MRC2: variants seen among roughly 807,000 people sequenced by gnomAD.
MRC2 encodes the protein C-type mannose receptor 2.
MRC2 carries 84 observed loss-of-function variants against 206.2 expected under a neutral mutation model. The observed-to-expected ratio is 0.41, with a 90% confidence interval of 0.34 to 0.49. MRC2 has a LOEUF of 0.49. Among genes scored for constraint, MRC2 ranks in the 20% least tolerant of loss-of-function variants. The pLI, the probability that MRC2 is intolerant of heterozygous loss-of-function variation, is 0.31. For missense variants in MRC2, 1,676 were observed against 2,001.5 expected, an observed-to-expected ratio of 0.84 and a Z score of 3.10; for synonymous variants, 798 against 800.0, an observed-to-expected ratio of 1.00 and a Z score of 0.04.
chr17:62,643,850 A>G (rs1050328601), intron 1 of MRC2, among the ~76,000 whole-genome samples: 2 of 152,180 alleles, frequency 1.3e-5, no homozygotes, highest in African/African-American at 4.8e-5. Flanking sequence ...CATTAAGATG[A>G]TTTTTACGAA....
intron 1 of MRC2, among the ~76,000 whole-genome samples, chr17:62,634,335 C>G (rs2088284984): frequency 1.3e-5 from 2 of 151,858 alleles, no homozygotes; most frequent in Admixed American, 6.6e-5. Context: ...GAGTCTCACT[C>G]TGTTGCCCAG....
Position 62,688,343 on chromosome 17 carries a change from C to T in MRC2, c.3001C>T (p.Gln1001Ter). 6.2e-7 allele frequency: 1 copy of T among 1,614,202 alleles called. No individual in the cohort carries two copies. Among genetic ancestry groups the T allele is most frequent in the Non-Finnish European group, 8.5e-7 (1 of 1,180,038 alleles). The change falls in exon 21 of 30, where the codon CAG becomes TAG. Residue 1001 changes from glutamine (Q) to a stop codon, truncating the protein, a stop_gained. Coordinates refer to ENST00000303375, the MANE Select transcript of MRC2 (RefSeq NM_006039.5). LOFTEE classifies it high-confidence loss of function. ...GAGCCGGGTGAAGTGGTCAGAGGCA[C>T]AGTTCTCCTGTGAACAGCAAGAGGC... ...PQSRVKWSEAQFSCEQQEAQL... is the reference protein window; with the variant it reads ...PQSRVKWSEA
At chr17:62,687,955 C>T (rs979971189) in intron 20 of MRC2, among the ~76,000 whole-genome samples, 5 of 152,136 alleles carry the variant, frequency 3.3e-5, no homozygotes, top group African/African-American at 9.7e-5. Flanking sequence ...AGACAACATT[C>T]GGAAGGGTGT....
chr17:62,641,655 T>G (rs1453083781), intron 1 of MRC2, among the ~76,000 whole-genome samples: 1 of 152,134 alleles, frequency 6.6e-6, no homozygotes, highest in African/African-American at 2.4e-5. Flanking sequence ...AATTATAGAA[T>G]AGACACAATG....
rs751843435 is a variant in MRC2 at position 62,666,122 on chromosome 17, C to G, written c.549C>G (p.His183Gln). 4 of 1,596,378 alleles carry G rather than the reference C, an allele frequency of 2.5e-6. No homozygotes were observed. The South Asian group carries it at 4.5e-5, about 18-fold the overall frequency. Residue 183 changes from histidine to glutamine, a missense_variant, in exon 3 of 30, where the codon CAC becomes CAG. His to Gln is a conservative substitution (Grantham distance 24). Around this residue, in one of 3 missense-constraint regions of MRC2, gnomAD observed 318 missense variants for 346.7 expected, o/e 0.92. Transcript: ENST00000303375. The surrounding 1 kb of genome is among the most constrained non-coding windows in gnomAD (Gnocchi z 5.0). ...TCTACACCATCCAGGGAAACTCCCA[C>G]GGAAAGCCGTGCACCATCCCCTTCA... The part of the protein sequence containing the change: ...HEVYTIQGNS[H>Q]GKPCTIPFKY...
In MRC2 at chr17:62,664,733, A is replaced by G. The variant is rs929186575; in HGVS notation, c.304A>G (p.Asn102Asp). The G allele has an allele frequency of 9.9e-6, 16 of 1,613,882 alleles. No individual in the cohort carries two copies. The highest frequency in any genetic ancestry group is 1.4e-5 in the Non-Finnish European group (16 of 1,180,040). ...CCTGGGCACAGGCTGGCCAGGCACCAACACCACGGCCTCCCTGGGCATGTA... is the reference window on the plus strand; with the variant it reads ...CCTGGGCACAGGCTGGCCAGGCACCGACACCACGGCCTCCCTGGGCATGTA... ...QCLGTGWPGT[N>D]TTASLGMYEC... is the part of the protein sequence containing the mutation. The change falls in exon 2 of 30, where the codon AAC becomes GAC. Residue 102 changes from asparagine to aspartate, a missense_variant. Physicochemically the swap from Asn to Asp is conservative, Grantham distance 23. Coordinates refer to ENST00000303375, the MANE Select transcript of MRC2 (RefSeq NM_006039.5). This position sits in a 1 kb window ranked among gnomAD's most constrained non-coding sequence, Gnocchi z 4.7.
intron 18 of MRC2, 35 bp downstream of exon 18, chr17:62,681,164 G>A (rs202064538): frequency 8.9e-5 from 143 of 1,606,984 alleles, no homozygotes; most frequent in Non-Finnish European, 1.2e-4. Flanking sequence ...TGTGGAAGGG[G>A]GCTGGCTGTC....
chr17:62,692,214 C>T lies in MRC2; in HGVS notation c.4220-17C>T, dbSNP rs780180689. ...CCTAACGCCCACTTGGCCTTTCACG[C>T]CCACTCGCCTTGGCAGCGCTTCCAG... On this transcript the variant is annotated splice_polypyrimidine_tract_variant and intron_variant, in intron 29 of 29. Coordinates refer to ENST00000303375, the MANE Select transcript of MRC2 (RefSeq NM_006039.5). The surrounding 1 kb of genome is among the most constrained non-coding windows in gnomAD (Gnocchi z 4.2). 2 of 1,613,060 alleles carry T rather than the reference C, an allele frequency of 1.2e-6. No homozygotes were observed. The highest frequency in any genetic ancestry group is 1.7e-6 in the Non-Finnish European group (2 of 1,179,414).
chr17:62,653,814 G>A (rs533125050), intron 1 of MRC2, among the ~76,000 whole-genome samples: 1 of 152,236 alleles, frequency 6.6e-6, no homozygotes, highest in South Asian at 2.1e-4. Flanking sequence ...GGATGTCGGT[G>A]GGGATGTTGC....
In MRC2 at chr17:62,689,528, C is replaced by T. The variant is rs768110871; in HGVS notation, c.3341C>T (p.Ser1114Phe). Reference sequence around the variant, plus strand: ...CCTGACCCCTTCCCTGTAGACCCCTCCCTGAGCCCGTCCCCAGCAGCGCTG... The same window carrying T: ...CCTGACCCCTTCCCTGTAGACCCCTTCCTGAGCCCGTCCCCAGCAGCGCTG... ...GFICQKGTDP[S>F]LSPSPAALPP... Residue 1114 changes from serine to phenylalanine, a missense_variant, in exon 24 of 30, where the codon TCC becomes TTC. Ser to Phe is a radical substitution (Grantham distance 155). This residue lies in a region of MRC2 where 1,354 missense variants were observed against 1,636.6 expected (regional missense o/e 0.83). Transcript: ENST00000303375. The T allele has an allele frequency of 2.5e-6, 4 of 1,571,904 alleles. No individual in the cohort carries two copies. Among genetic ancestry groups the T allele is most frequent in the Non-Finnish European group, 3.5e-6 (4 of 1,156,938 alleles).
chr17:62,639,218 C>G (rs756802827), intron 1 of MRC2, among the ~76,000 whole-genome samples: 37 of 152,230 alleles, frequency 2.4e-4, no homozygotes, highest in Non-Finnish European at 4.9e-4. Context: ...CTCCTGTAAT[C>G]CCAGCTACTC....
At chr17:62,634,669 C>T (rs1232354023) in intron 1 of MRC2, among the ~76,000 whole-genome samples, 4 of 151,860 alleles carry the variant, frequency 2.6e-5, no homozygotes, top group Non-Finnish European at 5.9e-5. Flanking sequence ...GCTGTTTTTT[C>T]AGCAAGGTCT....
At chr17:62,679,558 GGAGGGGCCACTGCCCCTT>G (rs1195664417) in intron 13 of MRC2, 1 of 351,620 alleles carries the variant, frequency 2.8e-6, no homozygotes, top group East Asian at 4.6e-5. Flanking sequence ...CAAACAAAGG[GGAGGGGCCACTGCCCCTT>G]GAGTGGATGG....
rs544466816 is a variant in MRC2, at chr17:62,677,310, G to T, written c.1876G>T (p.Ala626Ser). Residue 626 changes from alanine (A) to serine (S), a missense_variant, in exon 12 of 30, where the codon GCC becomes TCC. Coordinates refer to ENST00000303375, the MANE Select transcript of MRC2 (RefSeq NM_006039.5). ...GGCVALATGS[A>S]MGLWEVKNCT... ...CTGCGTGGCGCTGGCCACTGGCAGC[G>T]CCATGGGGCTGTGGGAGGTGAAGAA... 2 of 1,606,348 alleles carry T rather than the reference G, an allele frequency of 1.2e-6. No individual in the cohort carries two copies. Among genetic ancestry groups the T allele is most frequent in the East Asian group, 2.2e-5 (1 of 44,610 alleles).
chr17:62,674,875 C>T (rs980145712), intron 9 of MRC2, among the ~76,000 whole-genome samples: 2 of 152,132 alleles, frequency 1.3e-5, no homozygotes, highest in Non-Finnish European at 2.9e-5. Flanking sequence ...TGGCCCCCCC[C>T]AGCAGCCCCT....
chr17:62,676,740 T>C (rs1391243703), intron 11 of MRC2: 18 of 531,702 alleles, frequency 3.4e-5, no homozygotes, highest in Non-Finnish European at 5.4e-5. Flanking sequence ...GAGCCTCAGT[T>C]TTCTCATCTG....
At chr17:62,681,015 G>T (rs1385965278) in intron 17 of MRC2, 47 bp from the exon 18 acceptor site, 5 of 1,612,438 alleles carry the variant, frequency 3.1e-6, no homozygotes, top group Non-Finnish European at 4.2e-6. Flanking sequence ...GGCCCGGGAT[G>T]AGGGCAGGGG....
rs771069321 is a variant in MRC2 at position 62,680,991 on chromosome 17, G to T, written c.2634+31G>T. The T allele has an allele frequency of 3.7e-6, 6 of 1,611,888 alleles. No individual in the cohort carries two copies. The highest frequency in any genetic ancestry group is 5.1e-6 in the Non-Finnish European group (6 of 1,179,062). On this transcript the variant is annotated intron_variant, in intron 17 of 29. Coordinates refer to ENST00000303375, the MANE Select transcript of MRC2 (RefSeq NM_006039.5). The surrounding 1 kb of genome is among the most constrained non-coding windows in gnomAD (Gnocchi z 4.8). ...CATTGGATTGAGCAGGGGGCTGCAG[G>T]CTGGGGGAGGGCAGGCCCGGGATGA...
chr17:62,642,874 A>G (rs1181580736), intron 1 of MRC2, among the ~76,000 whole-genome samples: 2 of 152,136 alleles, frequency 1.3e-5, no homozygotes, highest in Non-Finnish European at 2.9e-5. Context: ...AAACCACCCA[A>G]ATGCCCATCA....
Sources: gnomAD v4.1 joint callset for allele counts (sites outside exome capture counted in the v4.1 genomes callset) on GRCh38, gnomAD v4.1.1 for gene constraint, gnomAD v4.1.1 regional missense constraint, Gnocchi (gnomAD v3.1) non-coding constraint, MANE v1.5 for transcripts, NCBI Gene and HGNC (gene_info 2026-07-23, HGNC 2026-07-21) for gene names.